The following STX19 variants were observed in gnomAD, a reference collection of about 807,000 sequenced individuals.
The protein encoded by STX19 is syntaxin-19.
A neutral mutation model predicts 24.3 loss-of-function variants in STX19; 26 were observed. The ratio of observed to expected loss-of-function variants is 1.07; its 90% CI spans 0.78 to 1.48. STX19 has a LOEUF of 1.48. Ranked by LOEUF, STX19 falls within the 40% of genes most tolerant of loss-of-function variation. STX19 has a pLI of 0.00. For synonymous variants in STX19, 116 were observed against 106.9 expected (o/e 1.09, Z -0.52); for missense variants, 367 against 331.9 (o/e 1.11, Z -0.82).
chr3:94,022,885 A>T (rs2076478854), intron 1 of STX19, among the ~76,000 whole-genome samples: 1 of 152,048 alleles, frequency 6.6e-6, no homozygotes, highest in Non-Finnish European at 1.5e-5. Flanking sequence ...TTAATTTTGT[A>T]CATACATCAC....
chr3:94,022,372 C>T (rs1481988535), intron 1 of STX19, among the ~76,000 whole-genome samples: 4 of 152,018 alleles, frequency 2.6e-5, no homozygotes, highest in African/African-American at 4.8e-5. Context: ...GTGATCCACC[C>T]GCCTCAGCCT....
At chr3:94,018,956 G>A (rs542421760) in intron 1 of STX19, among the ~76,000 whole-genome samples, 17 of 152,106 alleles carry the variant, frequency 1.1e-4, no homozygotes, top group African/African-American at 4.1e-4. Flanking sequence ...ATTAACGACA[G>A]GGTTTCACCA....
intron 1 of STX19, among the ~76,000 whole-genome samples, chr3:94,019,144 A>G (rs1406196422): frequency 1.3e-5 from 2 of 152,002 alleles, no homozygotes; most frequent in African/African-American, 4.8e-5. Context: ...TTCAAAATGT[A>G]TTTGGATCTA....
chr3:94,017,809 C>T (rs116453438), intron 1 of STX19, among the ~76,000 whole-genome samples: 1,525 of 151,970 alleles, frequency 0.01, 32 homozygotes, highest in African/African-American at 0.034. Context: ...AGTTGGGTTG[C>T]CAAGGCAGTG....
chr3:94,027,305 A>T (rs2076577919), intron 1 of STX19, among the ~76,000 whole-genome samples: 1 of 152,052 alleles, frequency 6.6e-6, no homozygotes, highest in South Asian at 2.1e-4. Context: ...ACTAAAAAAA[A>T]ATTGCAAATT....
At position 94,014,664 on chromosome 3, in the gene STX19, G is replaced by T; in HGVS notation, c.606C>A (p.Ile202=). The T allele has an allele frequency of 6.2e-7, 1 of 1,613,538 alleles. No homozygotes were observed. Among genetic ancestry groups the T allele is most frequent in the South Asian group, 1.1e-5 (1 of 90,950 alleles). ...CTGAAAGTTGTGCTTTAGTGATATT[G>T]ATTTCTGTAAGTAAGCTTTCATTAA... ...EVFNESLLTE[I]NITKAQLSEI... The change falls in exon 2 of 2, where the codon ATC becomes ATA. Residue 202 remains isoleucine, a synonymous_variant. Transcript: ENST00000315099.
In STX19 at chr3:94,014,814, A is replaced by T. The variant is rs773685846; in HGVS notation, c.456T>A (p.Asn152Lys). 20 of 1,613,956 alleles carry T rather than the reference A, an allele frequency of 1.2e-5. No individual in the cohort carries two copies. In the African/African-American group the frequency reaches 2.5e-4, roughly 20 times the overall value. Reference sequence around the variant, plus strand: ...TCTCTTGCTTTGCTGCTATTGTGTCATTGTATATAAACATGATTTGCTGAA... The same window carrying T: ...TCTCTTGCTTTGCTGCTATTGTGTCTTTGTATATAAACATGATTTGCTGAA... Reference protein sequence around the residue: ...RHFQQIMFIYNDTIAAKQEKC... With the variant: ...RHFQQIMFIYKDTIAAKQEKC... Residue 152 changes from asparagine to lysine, a missense_variant, in exon 2 of 2, where the codon AAT becomes AAA. Asn to Lys is a moderately conservative substitution (Grantham distance 94). Coordinates refer to ENST00000315099, the MANE Select transcript of STX19 (RefSeq NM_001001850.3).
chr3:94,019,408 G>A (rs1559989420), intron 1 of STX19, among the ~76,000 whole-genome samples: 1 of 151,118 alleles, frequency 6.6e-6, no homozygotes, highest in East Asian at 2.0e-4. Flanking sequence ...TATTGGTCAG[G>A]TTGGTCTTGA....
At chr3:94,017,488 G>T (rs2076357281) in intron 1 of STX19, among the ~76,000 whole-genome samples, 1 of 152,108 alleles carries the variant, frequency 6.6e-6, no homozygotes, top group African/African-American at 2.4e-5. Flanking sequence ...GCCTGTTTTG[G>T]GTAAAAGGTT....
chr3:94,016,145 A>G (rs1046577577), intron 1 of STX19, among the ~76,000 whole-genome samples: 2 of 152,202 alleles, frequency 1.3e-5, no homozygotes, highest in Non-Finnish European at 2.9e-5. Context: ...ATACATACAT[A>G]TAAAATGAAG....
At chr3:94,022,242 C>T (rs1274583801) in intron 1 of STX19, among the ~76,000 whole-genome samples, 1 of 152,088 alleles carries the variant, frequency 6.6e-6, no homozygotes, top group Non-Finnish European at 1.5e-5. Context: ...CTCCTTGCCT[C>T]AGCCTCCTGA....
At chr3:94,026,272 G>A (rs539696916) in intron 1 of STX19, among the ~76,000 whole-genome samples, 1 of 152,184 alleles carries the variant, frequency 6.6e-6, no homozygotes, top group East Asian at 1.9e-4. Flanking sequence ...TAGTGATGTT[G>A]TTTTAAAATT....
chr3:94,023,118 C>T (rs2076484456), intron 1 of STX19, among the ~76,000 whole-genome samples: 3 of 151,558 alleles, frequency 2.0e-5, no homozygotes. Flanking sequence ...GGGAGTGTAC[C>T]ATAGCTCCTT....
chr3:94,018,867 G>A (rs1443761492), intron 1 of STX19, among the ~76,000 whole-genome samples: 1 of 152,062 alleles, frequency 6.6e-6, no homozygotes, highest in Non-Finnish European at 1.5e-5. Context: ...CCGGGTTCAA[G>A]CAATTCTCCT....
At chr3:94,020,838 G>A (rs1310548599) in intron 1 of STX19, among the ~76,000 whole-genome samples, 2 of 151,836 alleles carry the variant, frequency 1.3e-5, no homozygotes, top group African/African-American at 4.8e-5. Flanking sequence ...TTTTGTTTTT[G>A]CCACTGATTT....
chr3:94,017,571 T>C (rs2076358641), intron 1 of STX19, among the ~76,000 whole-genome samples: 1 of 152,038 alleles, frequency 6.6e-6, no homozygotes, highest in Admixed American at 6.5e-5. Flanking sequence ...TGAAGTCTTA[T>C]ATGTATATAA....
chr3:94,014,601 C>T lies in STX19; in HGVS notation c.669G>A (p.Glu223=). ...EQRHKELVNL[E]NQIKDLRDLF... The stretch of plus-strand genomic sequence containing the variant: ...GATCCCTTAAATCCTTTATTTGGTT[C>T]TCCAAATTAACAAGTTCCTTGTGTC... Residue 223 remains glutamate, a synonymous_variant, in exon 2 of 2, where the codon GAG becomes GAA. Coordinates refer to ENST00000315099, the MANE Select transcript of STX19 (RefSeq NM_001001850.3). 1 of 1,612,858 alleles carries T rather than the reference C, an allele frequency of 6.2e-7. No individual in the cohort carries two copies. The highest frequency in any genetic ancestry group is 8.5e-7 in the Non-Finnish European group (1 of 1,179,764).
At position 94,014,499 on chromosome 3, in the gene STX19, T is replaced by G. The variant is rs368376403; in HGVS notation, c.771A>C (p.Thr257=). Residue 257 remains threonine (T), a synonymous_variant, in exon 2 of 2, where the codon ACA becomes ACC. Coordinates refer to ENST00000315099, the MANE Select transcript of STX19 (RefSeq NM_001001850.3). Reference sequence around the variant, plus strand: ...CTTTAGTATTGTTAACATACTCTTTTGTACTATTCACTGTCATTTCAATAT... The same window carrying G: ...CTTTAGTATTGTTAACATACTCTTTGGTACTATTCACTGTCATTTCAATAT... ...INNIEMTVNS[T]KEYVNNTKEK... 2.9e-5 allele frequency: 47 copies of G among 1,611,404 alleles called. No homozygotes were observed. The African/African-American group carries it at 5.9e-4, about 20-fold the overall frequency.
chr3:94,025,266 C>CT lies in STX19; in HGVS notation c.-14+3100dup, dbSNP rs532538038. Reference sequence around the variant, plus strand: ...ATTTACAAGCAAAAAACAAAATATCCTTTTTTTAATATCTGTATACATTAT... The same window carrying CT: ...ATTTACAAGCAAAAAACAAAATATCCTTTTTTTTAATATCTGTATACATTAT... On this transcript the variant is annotated intron_variant, in intron 1 of 1. Transcript: ENST00000315099. Among the ~76,000 whole-genome samples the CT allele has an allele frequency of 2.0e-4, 30 of 151,214 alleles. No homozygotes were observed. The East Asian group carries it at 5.4e-3, about 27-fold the overall frequency.
Sources: allele counts gnomAD v4.1 joint callset (sites outside exome capture counted in the v4.1 genomes callset), GRCh38; gene constraint gnomAD v4.1.1; transcripts MANE v1.5; gene names NCBI Gene and HGNC (gene_info 2026-07-23, HGNC 2026-07-21).